The following PHACTR3 variants were observed in gnomAD, a reference collection of about 807,000 sequenced individuals.
PHACTR3 encodes the protein protein phosphatase 1, regulatory subunit 123.
PHACTR3 carries 16 observed loss-of-function variants against 66.8 expected under a neutral mutation model. The observed-to-expected ratio is 0.24, with a 90% confidence interval of 0.16 to 0.36. The LOEUF is 0.36. Ranked by LOEUF, PHACTR3 falls within the 10% of genes least tolerant of loss-of-function variation. PHACTR3 has a pLI of 1.00. For missense variants in PHACTR3, 647 were observed against 719.9 expected (o/e 0.90, Z 1.16); for synonymous variants, 323 against 292.1 (o/e 1.11, Z -1.08).
intron 4 of PHACTR3, among the ~76,000 whole-genome samples, chr20:59,756,899 G>A (rs2039815073): frequency 6.6e-6 from 1 of 151,914 alleles, no homozygotes; most frequent in Non-Finnish European, 1.5e-5. Flanking sequence ...TGCAGCAAAA[G>A]AAACTCCCAT....
At chr20:59,766,853 G>C (rs941893609) in intron 4 of PHACTR3, among the ~76,000 whole-genome samples, 1 of 152,222 alleles carries the variant, frequency 6.6e-6, no homozygotes, top group Non-Finnish European at 1.5e-5. Context: ...TAAATTCAGA[G>C]ACCACTTGAG....
intron 7 of PHACTR3, among the ~76,000 whole-genome samples, chr20:59,787,651 TAGAC>T (rs1244453966): frequency 6.6e-6 from 1 of 152,164 alleles, no homozygotes; most frequent in Non-Finnish European, 1.5e-5. Flanking sequence ...TTCCACTCCT[TAGAC>T]AGCCCCTCTG....
chr20:59,671,407 C>T (rs1248876518), intron 1 of PHACTR3, among the ~76,000 whole-genome samples: 1 of 152,182 alleles, frequency 6.6e-6, no homozygotes, highest in African/African-American at 2.4e-5. Flanking sequence ...AATTCAAAGG[C>T]AGTGCTGGGA....
chr20:59,687,973 A>G (rs2036962265), intron 1 of PHACTR3, among the ~76,000 whole-genome samples: 1 of 152,100 alleles, frequency 6.6e-6, no homozygotes, highest in Admixed American at 6.5e-5. Flanking sequence ...TGTGTCACTG[A>G]CTGGTGATGT....
intron 3 of PHACTR3, among the ~76,000 whole-genome samples, chr20:59,753,911 A>G (rs891254178): frequency 6.6e-6 from 1 of 152,114 alleles, no homozygotes; most frequent in African/African-American, 2.4e-5. Context: ...CCTGAAGTAA[A>G]TGTTGCCTCC....
chr20:59,709,345 T>C lies in PHACTR3; in HGVS notation c.119-33762T>C, dbSNP rs2146639748. Among the ~76,000 whole-genome samples the C allele has an allele frequency of 1.3e-5, 2 of 152,348 alleles. 1 individual carries two copies. The highest frequency in any genetic ancestry group is 4.1e-4 in the South Asian group (2 of 4,828). ...CTTTGCCAATGAATTTTGTCCTAGT[T>C]TGCTAACACCACATAAATCCATTTG... On this transcript the variant is annotated intron_variant, in intron 1 of 12. Transcript: ENST00000371015.
At position 59,586,177 on chromosome 20, in the gene PHACTR3, C is replaced by T. The variant is rs570770101; in HGVS notation, c.109+8560C>T. 4.6e-5 allele frequency among the ~76,000 whole-genome samples: 7 copies of T among 152,340 alleles called. No homozygotes were observed. In the South Asian group the frequency reaches 1.5e-3, roughly 32 times the overall value. ...CTGTGGTCATTCTGCCTCCTGGAGG[C>T]CGGCACAGACTTCCTGCCTCCTGCA... On this transcript the variant is annotated intron_variant, in intron 1 of 12. Coordinates refer to the PHACTR3 transcript ENST00000359926.
At chr20:59,584,359 G>T (rs930391355) in intron 1 of PHACTR3, among the ~76,000 whole-genome samples, 32 of 150,798 alleles carry the variant, frequency 2.1e-4, no homozygotes, top group African/African-American at 7.1e-4. Flanking sequence ...CTGTGTGTGC[G>T]TGATTGTGTG....
chr20:59,775,503 G>A (rs2040507420), intron 7 of PHACTR3, among the ~76,000 whole-genome samples: 1 of 152,136 alleles, frequency 6.6e-6, no homozygotes, highest in Admixed American at 6.5e-5. Flanking sequence ...GGGCTCCATA[G>A]CCTCCCGCTT....
intron 5 of PHACTR3, among the ~76,000 whole-genome samples, chr20:59,772,859 C>T (rs2153169): frequency 3.2e-4 from 48 of 152,186 alleles, no homozygotes; most frequent in Non-Finnish European, 5.9e-4. Flanking sequence ...GGTGCTGGAA[C>T]AGATGCTGTG....
intron 1 of PHACTR3, among the ~76,000 whole-genome samples, chr20:59,627,169 G>T (rs989297097): frequency 3.3e-5 from 5 of 152,174 alleles, no homozygotes; most frequent in Admixed American, 1.3e-4. Flanking sequence ...CATCCTTTAG[G>T]TGGGTGCTTC....
In PHACTR3 at chr20:59,659,847, C is replaced by T. The variant is rs142486586; in HGVS notation, c.118+54715C>T. Among the ~76,000 whole-genome samples, 10 of 152,252 alleles carry T rather than the reference C, an allele frequency of 6.6e-5. No homozygotes were observed. The East Asian group carries it at 1.9e-3, about 29-fold the overall frequency. ...TGAACCTTGGAGTGCTTTGACCATG[C>T]CACAGCCCGGCCAGCAGATGCAGGG... On this transcript the variant is annotated intron_variant, in intron 1 of 12. Coordinates refer to ENST00000371015, the MANE Select transcript of PHACTR3 (RefSeq NM_080672.5).
At chr20:59,765,310 A>G (rs1207908025) in intron 4 of PHACTR3, among the ~76,000 whole-genome samples, 2 of 152,222 alleles carry the variant, frequency 1.3e-5, no homozygotes, top group Admixed American at 6.5e-5. Flanking sequence ...TTAATGTAAC[A>G]AGAAAAATAA....
Position 59,830,345 on chromosome 20 carries a change from G to C in PHACTR3, c.1329-6160G>C, listed in dbSNP as rs1407827380. ...AAAGAAGGTGTGAGTATTTGATGGA[G>C]GAGGGTGTGTCTGATGGAGACGGTG... On this transcript the variant is annotated intron_variant, in intron 8 of 12. Transcript: ENST00000371015. The surrounding 1 kb of genome is among the most constrained non-coding windows in gnomAD (Gnocchi z 5.8). Among the ~76,000 whole-genome samples, 1 of 151,912 alleles carries C rather than the reference G, an allele frequency of 6.6e-6. No individual in the cohort carries two copies. Among genetic ancestry groups the C allele is most frequent in the Non-Finnish European group, 1.5e-5 (1 of 68,018 alleles).
At chr20:59,780,181 G>T (rs1182506) in intron 7 of PHACTR3, among the ~76,000 whole-genome samples, 12 of 151,932 alleles carry the variant, frequency 7.9e-5, no homozygotes, top group Non-Finnish European at 1.8e-4. Context: ...CTGTGCTGCT[G>T]CTCCTCCTGC....
At chr20:59,635,209 C>CTTCT (rs2034847917) in intron 1 of PHACTR3, among the ~76,000 whole-genome samples, 5 of 22,970 alleles carry the variant, frequency 2.2e-4, no homozygotes, top group South Asian at 1.2e-3. Flanking sequence ...TCTTTCTTTC[C>CTTCT]TTCCTTCCTT....
At position 59,773,265 on chromosome 20, in the gene PHACTR3, C is replaced by T; in HGVS notation, c.752-14C>T. The T allele has an allele frequency of 6.2e-7, 1 of 1,608,806 alleles. No individual in the cohort carries two copies. Among genetic ancestry groups the T allele is most frequent in the South Asian group, 1.1e-5 (1 of 90,254 alleles). On this transcript the variant is annotated splice_polypyrimidine_tract_variant and intron_variant, in intron 5 of 12. Transcript: ENST00000371015. ...TGAAGACCTATGTTCTTGCTGCTTC[C>T]TCCCACACCCCAGGCCAAGCCACAC... is the stretch of plus-strand genomic sequence containing the variant.
chr20:59,763,683 A>G (rs2040079919), intron 4 of PHACTR3, among the ~76,000 whole-genome samples: 1 of 152,228 alleles, frequency 6.6e-6, no homozygotes, highest in Non-Finnish European at 1.5e-5. Flanking sequence ...GATGAGAATG[A>G]CCTGTGAGAA....
At chr20:59,774,218 A>T in intron 6 of PHACTR3, 25 bp from the exon 7 acceptor site, 3 of 1,555,174 alleles carry the variant, frequency 1.9e-6, no homozygotes, top group Non-Finnish European at 2.6e-6. Flanking sequence ...GGTGACCTAT[A>T]ACCTGAACCA....
Sources: allele counts gnomAD v4.1 joint callset (sites outside exome capture counted in the v4.1 genomes callset), GRCh38; gene constraint gnomAD v4.1.1; non-coding constraint Gnocchi (gnomAD v3.1); transcripts MANE v1.5; gene names NCBI Gene and HGNC (gene_info 2026-07-23, HGNC 2026-07-21).